The following HHAT variants were observed in gnomAD, a reference collection of about 807,000 sequenced individuals.
HHAT encodes the protein protein-cysteine N-palmitoyltransferase HHAT.
HHAT carries 47 observed loss-of-function variants against 70.8 expected under a neutral mutation model. That is an observed-to-expected ratio of 0.66 (90% confidence interval 0.53 to 0.85). The LOEUF (loss-of-function observed/expected upper bound fraction) is 0.85. HHAT is among the 40% of genes least tolerant of loss of function. The pLI, the probability that HHAT is intolerant of heterozygous loss-of-function variation, is 0.00. For missense variants in HHAT, 609 were observed against 604.8 expected, an observed-to-expected ratio of 1.01 and a Z score of -0.07; for synonymous variants, 228 against 247.6, an observed-to-expected ratio of 0.92 and a Z score of 0.74.
intron 3 of HHAT, among the ~76,000 whole-genome samples, chr1:210,367,115 A>G (rs535667085): frequency 2.6e-5 from 4 of 152,344 alleles, no homozygotes; most frequent in Middle Eastern, 6.8e-3. Context: ...ATTGAGCTAA[A>G]TGACATGAAG....
rs535389434 is a variant in HHAT at position 210,564,529 on chromosome 1, C to T, written c.1044-23369C>T. On this transcript the variant is annotated intron_variant, in intron 9 of 11. Coordinates refer to ENST00000261458, the MANE Select transcript of HHAT (RefSeq NM_018194.6). ...TTTCCTGAAGTGGAATGTATGCCAT[C>T]CTATTCTTATAAGAAGTATGTGTCT... is the stretch of plus-strand genomic sequence containing the variant. Among the ~76,000 whole-genome samples, 2 of 152,244 alleles carry T rather than the reference C, an allele frequency of 1.3e-5. 1 individual carries two copies. The highest frequency in any genetic ancestry group is 4.2e-4 in the South Asian group (2 of 4,814).
chr1:210,632,544 G>A (rs778425436), intron 11 of HHAT, among the ~76,000 whole-genome samples: 2 of 152,156 alleles, frequency 1.3e-5, no homozygotes, highest in African/African-American at 2.4e-5. Flanking sequence ...AGGGAAGATG[G>A]AGCCGCCATT....
chr1:210,370,320 G>C (rs1235885249), intron 3 of HHAT, among the ~76,000 whole-genome samples: 1 of 150,726 alleles, frequency 6.6e-6, no homozygotes, highest in African/African-American at 2.4e-5. Context: ...GATTACAGGT[G>C]CCCATCACCA....
intron 7 of HHAT, among the ~76,000 whole-genome samples, chr1:210,459,708 G>C (rs12121941): frequency 0.82 from 124,996 of 152,202 alleles, 51,507 homozygotes; most frequent in South Asian, 0.87. Flanking sequence ...CACCTCAACA[G>C]TTCTGAGCTC....
At chr1:210,391,440 A>G (rs2091451662) in intron 4 of HHAT, among the ~76,000 whole-genome samples, 1 of 152,340 alleles carries the variant, frequency 6.6e-6, no homozygotes, top group South Asian at 2.1e-4. Context: ...ACTACGCTAA[A>G]ATTAAAAACT....
chr1:210,640,432 A>C (rs1339647594), intron 11 of HHAT, among the ~76,000 whole-genome samples: 1 of 152,094 alleles, frequency 6.6e-6, no homozygotes, highest in Non-Finnish European at 1.5e-5. Context: ...TTGTAATGAA[A>C]ACTCTTCTCT....
At chr1:210,342,504 A>G (rs941888410) in intron 1 of HHAT, among the ~76,000 whole-genome samples, 6 of 152,004 alleles carry the variant, frequency 3.9e-5, no homozygotes, top group Admixed American at 1.3e-4. Flanking sequence ...GTGTAGATTA[A>G]TCAGGTAGAC....
At chr1:210,572,653 G>GT (rs1168391907) in intron 9 of HHAT, among the ~76,000 whole-genome samples, 2 of 152,098 alleles carry the variant, frequency 1.3e-5, no homozygotes, top group East Asian at 3.9e-4. Context: ...CAGTGACTTG[G>GT]GAGGCCAAGG....
At chr1:210,608,081 C>G (rs1182669968) in intron 10 of HHAT, among the ~76,000 whole-genome samples, 2 of 152,116 alleles carry the variant, frequency 1.3e-5, no homozygotes, top group East Asian at 1.9e-4. Flanking sequence ...TAGCCATTCT[C>G]CTGTTGAAAA....
chr1:210,371,739 C>G (rs2089588925), intron 3 of HHAT, among the ~76,000 whole-genome samples: 1 of 152,190 alleles, frequency 6.6e-6, no homozygotes, highest in Admixed American at 6.5e-5. Flanking sequence ...GGCCTAACCT[C>G]TGTAAACTCA....
At chr1:210,454,062 GACTT>G (rs2093810777) in intron 7 of HHAT, among the ~76,000 whole-genome samples, 2 of 152,178 alleles carry the variant, frequency 1.3e-5, no homozygotes, top group South Asian at 2.1e-4. Context: ...GATCTTGTGA[GACTT>G]ACTATCACGA....
Position 210,387,476 on chromosome 1 carries a change from C to T in HHAT, c.168C>T (p.Thr56=), listed in dbSNP as rs539661329. The T allele has an allele frequency of 3.3e-5, 53 of 1,613,910 alleles. No individual in the cohort carries two copies. The Middle Eastern group carries it at 4.9e-4, about 15-fold the overall frequency. The change falls in exon 4 of 12, where the codon ACC becomes ACT. Residue 56 remains threonine, a synonymous_variant. Transcript: ENST00000261458. ...TATTTTGTCCTATTTAGGATGCGACCGACTTTGAGTGGAGCTTCTGGATGG... is the reference window on the plus strand; with the variant it reads ...TATTTTGTCCTATTTAGGATGCGACTGACTTTGAGTGGAGCTTCTGGATGG... The part of the protein sequence containing the change: ...TLFGGLKKDA[T]DFEWSFWMEW...
chr1:210,395,072 C>A (rs2091705394), intron 4 of HHAT, among the ~76,000 whole-genome samples: 1 of 152,050 alleles, frequency 6.6e-6, no homozygotes, highest in East Asian at 1.9e-4. Flanking sequence ...TAAATTGTGT[C>A]ATACATAAGA....
intron 9 of HHAT, among the ~76,000 whole-genome samples, chr1:210,536,528 T>C (rs775221062): frequency 6.6e-6 from 1 of 152,248 alleles, no homozygotes; most frequent in Non-Finnish European, 1.5e-5. Context: ...AGTGATTGTA[T>C]CTCTCCTCTG....
intron 4 of HHAT, among the ~76,000 whole-genome samples, chr1:210,394,589 G>A (rs2091673527): frequency 6.6e-6 from 1 of 151,934 alleles, no homozygotes; most frequent in East Asian, 1.9e-4. Flanking sequence ...GTTGAGGGTG[G>A]GTGCTGTTGC....
At chr1:210,535,342 A>G (rs567453077) in intron 9 of HHAT, among the ~76,000 whole-genome samples, 34 of 152,308 alleles carry the variant, frequency 2.2e-4, no homozygotes, top group Non-Finnish European at 4.1e-4. Context: ...GTGGTACTGT[A>G]CAGTATTGTA....
At chr1:210,444,923 T>A (rs2093604457) in intron 7 of HHAT, among the ~76,000 whole-genome samples, 1 of 152,196 alleles carries the variant, frequency 6.6e-6, no homozygotes, top group South Asian at 2.1e-4. Context: ...CACTGCAACC[T>A]CCGTCTCCTG....
In HHAT at chr1:210,334,178, A is replaced by ATTTTTTT. The variant is rs3033354; in HGVS notation, c.-44+5088_-44+5094dup. Among the ~76,000 whole-genome samples, 497 of 99,944 alleles carry ATTTTTTT rather than the reference A, an allele frequency of 5.0e-3. 95 individuals carry two copies. The highest frequency in any genetic ancestry group is 7.1e-3 in the Non-Finnish European group (357 of 50,186). 65.6% of individuals were successfully genotyped at this position (99,944 alleles called of 152,430 possible). A position where few individuals can be genotyped will look rare whatever the true frequency, so the allele number is the denominator to read the frequency against. On this transcript the variant is annotated intron_variant, in intron 1 of 11. Coordinates refer to ENST00000261458, the MANE Select transcript of HHAT (RefSeq NM_018194.6). The stretch of plus-strand genomic sequence containing the variant: ...TACTTGCTGGCCACTTTAGCGTGTC[A>ATTTTTTT]TTTTTTTTTTTTTTTTTTTTGAGAA...
chr1:210,572,765 G>C (rs74454917), intron 9 of HHAT, among the ~76,000 whole-genome samples: 20,967 of 151,906 alleles, frequency 0.14, 2,306 homozygotes, highest in East Asian at 0.54. Flanking sequence ...GGCATGGTGT[G>C]TGTACTCGCG....
Sources: allele counts gnomAD v4.1 joint callset (sites outside exome capture counted in the v4.1 genomes callset), GRCh38; gene constraint gnomAD v4.1.1; transcripts MANE v1.5; gene names NCBI Gene and HGNC (gene_info 2026-07-23, HGNC 2026-07-21).